KLHL4: variants seen among roughly 807,000 people sequenced by gnomAD.
KLHL4 encodes kelch like family member 4.
A neutral mutation model predicts 45.8 loss-of-function variants in KLHL4; 17 were observed. That is an observed-to-expected ratio of 0.37 (90% CI 0.25 to 0.56). The LOEUF is 0.56. Among genes scored for constraint, KLHL4 ranks in the 20% least tolerant of loss-of-function variants. KLHL4 has a pLI of 0.79. For synonymous variants in KLHL4, 224 were observed against 189.9 expected, an observed-to-expected ratio of 1.18 and a Z score of -1.47; for missense variants, 544 against 544.9, an observed-to-expected ratio of 1.00 and a Z score of 0.02.
Position 87,517,863 on chromosome X carries a change from A to G in KLHL4, c.-31A>G, listed in dbSNP as rs1465251891. On this transcript the variant is annotated 5_prime_UTR_variant, in exon 1 of 11. Transcript: ENST00000373119. ...ACAAAGGCTCCGTTTCCTTTCTGTG[A>G]GAGAAGGCTTTTGTCTTTCCTCCTG... 10 of 1,164,386 alleles carry G rather than the reference A, an allele frequency of 8.6e-6. No homozygotes were observed. Among genetic ancestry groups the G allele is most frequent in the Non-Finnish European group, 1.0e-5 (9 of 872,053 alleles).
intron 9 of KLHL4, among the ~76,000 whole-genome samples, chrX:87,653,880 CAG>C (rs1923899739): frequency 9.0e-6 from 1 of 111,365 alleles, no homozygotes; most frequent in African/African-American, 3.3e-5. Context: ...AATGCAGGAA[CAG>C]AAAATTAAAC....
intron 9 of KLHL4, among the ~76,000 whole-genome samples, chrX:87,653,442 C>T (rs369236609): frequency 2.4e-4 from 27 of 111,526 alleles, no homozygotes; most frequent in African/African-American, 8.5e-4. Flanking sequence ...CATCTCATGC[C>T]CATCATAATG....
chrX:87,575,461 C>A (rs1316749020), intron 1 of KLHL4, among the ~76,000 whole-genome samples: 3 of 111,681 alleles, frequency 2.7e-5, no homozygotes, highest in African/African-American at 9.8e-5. Context: ...GAAACCAGTC[C>A]CTGGTGCCAA....
At chrX:87,584,308 A>G (rs1314448332) in intron 1 of KLHL4, among the ~76,000 whole-genome samples, 1 of 112,153 alleles carries the variant, frequency 8.9e-6, no homozygotes, top group Non-Finnish European at 1.9e-5. Context: ...GACACCAAAG[A>G]ACATCTACCA....
intron 1 of KLHL4, among the ~76,000 whole-genome samples, chrX:87,545,452 C>T (rs1303922402): frequency 1.8e-5 from 2 of 111,422 alleles, no homozygotes; most frequent in Non-Finnish European, 3.8e-5. Context: ...TACACATGCC[C>T]TCTCGCCTGC....
At chrX:87,575,583 C>T (rs1438235504) in intron 1 of KLHL4, among the ~76,000 whole-genome samples, 1 of 111,490 alleles carries the variant, frequency 9.0e-6, no homozygotes. Context: ...TGAGGGAAAT[C>T]GAAACTGAAG....
chrX:87,573,121 T>A (rs749327641), intron 1 of KLHL4, among the ~76,000 whole-genome samples: 2 of 111,652 alleles, frequency 1.8e-5, no homozygotes, highest in Non-Finnish European at 3.8e-5. Context: ...GCTAATAGAA[T>A]CAGAATTTAC....
Position 87,635,730 on chromosome X carries a change from C to A in KLHL4, c.1880C>A (p.Ala627Asp), listed in dbSNP as rs1160203475. 1.7e-6 allele frequency: 2 copies of A among 1,202,456 alleles called. No individual in the cohort carries two copies. The highest frequency in any genetic ancestry group is 2.2e-6 in the Non-Finnish European group (2 of 889,831). Residue 627 changes from alanine (A) to aspartate (D), a missense_variant, in exon 9 of 11, where the codon GCC (alanine) becomes GAC (aspartate). Transcript: ENST00000373119. ...GFLYVVGGHDAPASNHCSRLS... is the reference protein window; with the variant it reads ...GFLYVVGGHDDPASNHCSRLS... The stretch of plus-strand genomic sequence containing the variant: ...TTATATGTTGTAGGGGGGCATGATG[C>A]CCCTGCTTCCAACCATTGCTCCAGG...
chrX:87,541,360 C>G (rs1264871056), intron 1 of KLHL4, among the ~76,000 whole-genome samples: 2 of 107,303 alleles, frequency 1.9e-5, no homozygotes. Context: ...TGGTGCACAC[C>G]TGTAGTCCCA....
intron 9 of KLHL4, among the ~76,000 whole-genome samples, chrX:87,640,846 C>T (rs939555950): frequency 1.8e-5 from 2 of 111,362 alleles, no homozygotes; most frequent in African/African-American, 6.5e-5. Flanking sequence ...CCAGAGCAGT[C>T]GGACAAGATA....
Position 87,633,857 on chromosome X carries a change from T to C in KLHL4, c.1658T>C (p.Val553Ala). The part of the protein sequence containing the change: ...WDPEGRQWNY[V>A]ASMSTPRSTV... ...CCTGAGGGACGACAGTGGAATTACG[T>C]AGCCAGTATGTCAACTCCTAGAAGC... The change falls in exon 8 of 11, where the codon GTA (valine) becomes GCA (alanine). Residue 553 changes from valine to alanine, a missense_variant. By Grantham distance (64) the Val-to-Ala change is moderately conservative (BLOSUM62 0). Coordinates refer to ENST00000373119, the MANE Select transcript of KLHL4 (RefSeq NM_019117.5). 8.3e-7 allele frequency: 1 copy of C among 1,209,500 alleles called. No homozygotes were observed. Among genetic ancestry groups the C allele is most frequent in the African/African-American group, 1.7e-5 (1 of 57,686 alleles).
intron 1 of KLHL4, among the ~76,000 whole-genome samples, chrX:87,526,881 T>C (rs1931122193): frequency 9.0e-6 from 1 of 111,508 alleles, no homozygotes; most frequent in Non-Finnish European, 1.9e-5. Flanking sequence ...GTATTAATCC[T>C]CAAGAAATCT....
intron 9 of KLHL4, among the ~76,000 whole-genome samples, chrX:87,657,843 A>G (rs922006745): frequency 8.9e-6 from 1 of 112,170 alleles, no homozygotes; most frequent in African/African-American, 3.2e-5. Flanking sequence ...AGGCATACCC[A>G]TAATCAGGCT....
At chrX:87,649,011 T>A (rs1923724541) in intron 9 of KLHL4, among the ~76,000 whole-genome samples, 1 of 111,819 alleles carries the variant, frequency 8.9e-6, no homozygotes, top group African/African-American at 3.2e-5. Flanking sequence ...CACCTCTTAA[T>A]AGTGCTAATT....
At chrX:87,584,299 A>T (rs1259365434) in intron 1 of KLHL4, among the ~76,000 whole-genome samples, 1 of 112,026 alleles carries the variant, frequency 8.9e-6, no homozygotes, top group Non-Finnish European at 1.9e-5. Context: ...CAATGCCCAG[A>T]CACCAAAGAA....
At position 87,610,057 on chromosome X, in the gene KLHL4, T is replaced by C. The variant is rs574199858; in HGVS notation, c.423-3820T>C. Among the ~76,000 whole-genome samples, 51 of 111,665 alleles carry C rather than the reference T, an allele frequency of 4.6e-4. No individual in the cohort carries two copies. The South Asian group carries it at 0.019, about 41-fold the overall frequency. Reference sequence around the variant, plus strand: ...ATCAAGGATATTTACATGGCTTGCTTTCTCAGTTTTCTCAGCTGATTAATC... The same window carrying C: ...ATCAAGGATATTTACATGGCTTGCTCTCTCAGTTTTCTCAGCTGATTAATC... On this transcript the variant is annotated intron_variant, in intron 1 of 10. Transcript: ENST00000373119.
At chrX:87,580,889 C>T (rs932775579) in intron 1 of KLHL4, among the ~76,000 whole-genome samples, 16 of 111,898 alleles carry the variant, frequency 1.4e-4, no homozygotes, top group African/African-American at 6.5e-5. Flanking sequence ...TGGGCAGGAC[C>T]TCCCAGCTAG....
chrX:87,584,691 T>C (rs1409187166), intron 1 of KLHL4, among the ~76,000 whole-genome samples: 1 of 108,682 alleles, frequency 9.2e-6, no homozygotes, highest in African/African-American at 3.4e-5. Context: ...AAAAAAAGAA[T>C]AGAAAACAAT....
Position 87,667,784 on chromosome X carries a change from T to C in KLHL4, c.*1250T>C. The C allele has an allele frequency of 1.5e-6, 1 of 686,645 alleles. No homozygotes were observed. 56.6% of individuals were successfully genotyped at this position (686,645 alleles called of 1,213,427 possible). A position where few individuals can be genotyped will look rare whatever the true frequency, so the allele number is the denominator to read the frequency against. On this transcript the variant is annotated 3_prime_UTR_variant, in exon 11 of 11. Transcript: ENST00000373119. ...TCTACAAATAAGTTCTTTTAAACAG[T>C]CTTTTTATTGTGGATTGTGAAATCA...
Sources: gnomAD v4.1 joint callset for allele counts (sites outside exome capture counted in the v4.1 genomes callset) on GRCh38, gnomAD v4.1.1 for gene constraint, MANE v1.5 for transcripts, NCBI Gene and HGNC (gene_info 2026-07-23, HGNC 2026-07-21) for gene names.